The following BEND7 variants were observed in gnomAD, a reference collection of about 807,000 sequenced individuals.
BEND7 encodes the protein BEN domain containing 7.
In BEND7, 28 loss-of-function variants were observed where a neutral mutation model predicts 50.9. The observed-to-expected ratio is 0.55, with a 90% confidence interval of 0.41 to 0.75. BEND7 has a LOEUF of 0.75. Ranked by LOEUF, BEND7 falls within the 30% of genes least tolerant of loss-of-function variation. The pLI, the probability that BEND7 is intolerant of heterozygous loss-of-function variation, is 0.00. For synonymous variants in BEND7, 170 were observed against 183.9 expected, an observed-to-expected ratio of 0.92 and a Z score of 0.61; for missense variants, 477 against 491.3, an observed-to-expected ratio of 0.97 and a Z score of 0.28.
chr10:13,511,260 C>T (rs1287751118), intron 2 of BEND7: 1 of 152,194 alleles, frequency 6.6e-6, no homozygotes, highest in East Asian at 1.9e-4. Flanking sequence ...GGAGTTTGAC[C>T]TACAACTCAC....
Position 13,441,543 on chromosome 10 carries a change from A to G in BEND7, c.*200T>C. On this transcript the variant is annotated 3_prime_UTR_variant, in exon 9 of 9. Coordinates refer to ENST00000466271, the MANE Select transcript of BEND7 (RefSeq NM_001369863.1). ...GAAGGCAGTGCTTCTGAAGGTTCCC[A>G]GCAGATCTCTTAACAGACCACAGTT... is the stretch of plus-strand genomic sequence containing the variant. The G allele has an allele frequency of 3.5e-6, 5 of 1,416,140 alleles. No individual in the cohort carries two copies. Among genetic ancestry groups the G allele is most frequent in the East Asian group, 2.6e-5 (1 of 38,830 alleles). The allele number at this position is 1,416,140 out of a possible 1,614,324, so 87.7% of individuals were successfully genotyped here.
chr10:13,462,218 A>G (rs1840353071), intron 6 of BEND7, among the ~76,000 whole-genome samples: 1 of 152,184 alleles, frequency 6.6e-6, no homozygotes, highest in South Asian at 2.1e-4. Flanking sequence ...GACATACCCG[A>G]GACTGGGTAA....
At chr10:13,516,533 C>T (rs2078685770) in intron 2 of BEND7, among the ~76,000 whole-genome samples, 1 of 152,136 alleles carries the variant, frequency 6.6e-6, no homozygotes, top group African/African-American at 2.4e-5. Flanking sequence ...CAAGACCTGC[C>T]TGGCCAACAT....
At chr10:13,452,808 T>A (rs1564514175) in intron 6 of BEND7, 150 bp from the exon 7 acceptor site, 4 of 729,004 alleles carry the variant, frequency 5.5e-6, no homozygotes, top group Non-Finnish European at 8.3e-6. Context: ...TTATATTTGT[T>A]TGGCAAAGAT....
At chr10:13,454,112 T>A (rs1413121283) in intron 6 of BEND7, among the ~76,000 whole-genome samples, 1 of 152,150 alleles carries the variant, frequency 6.6e-6, no homozygotes. Flanking sequence ...GTCTAGGGCC[T>A]CTCAGAGAAC....
At chr10:13,500,592 A>T in intron 2 of BEND7, 1 of 987,570 alleles carries the variant, frequency 1.0e-6, no homozygotes, top group Non-Finnish European at 1.2e-6. Flanking sequence ...TACTGACACA[A>T]TGTCCTTCAG....
At chr10:13,529,528 G>A (rs1409019041), upstream of BEND7, among the ~76,000 whole-genome samples, 2 of 152,154 alleles carry the variant, frequency 1.3e-5, no homozygotes, top group Non-Finnish European at 2.9e-5. Context: ...CAGGCTGGGC[G>A]GATTGTGGAA....
intron 7 of BEND7, among the ~76,000 whole-genome samples, chr10:13,451,754 T>TCCCCCC (rs141575572): frequency 3.5e-5 from 4 of 113,052 alleles, no homozygotes; most frequent in Non-Finnish European, 3.5e-5. Flanking sequence ...ATGCTATCCC[T>TCCCCCC]CCCCCTCCCC....
At chr10:13,520,460 G>A (rs1360526767) in intron 2 of BEND7, among the ~76,000 whole-genome samples, 1 of 152,078 alleles carries the variant, frequency 6.6e-6, no homozygotes, top group African/African-American at 2.4e-5. Flanking sequence ...GTCAGACCGT[G>A]CATACTAGAC....
At chr10:13,467,065 GGGGGAAGATGCT>G (rs1403555984) in intron 6 of BEND7, among the ~76,000 whole-genome samples, 1 of 152,190 alleles carries the variant, frequency 6.6e-6, no homozygotes, top group African/African-American at 2.4e-5. Flanking sequence ...CGTGGACACC[GGGGGAAGATGCT>G]GGGGCGTCAG....
At chr10:13,499,193 T>C (rs907003964) in intron 3 of BEND7, among the ~76,000 whole-genome samples, 2 of 152,236 alleles carry the variant, frequency 1.3e-5, no homozygotes, top group African/African-American at 4.8e-5. Flanking sequence ...GATTCTTTTC[T>C]TAACAATTAG....
intron 2 of BEND7, among the ~76,000 whole-genome samples, chr10:13,507,869 G>A (rs2078008742): frequency 6.6e-6 from 1 of 152,178 alleles, no homozygotes; most frequent in Non-Finnish European, 1.5e-5. Context: ...CATTTTTTAG[G>A]GGGCAGGTAA....
intron 5 of BEND7, among the ~76,000 whole-genome samples, chr10:13,491,433 T>C (rs545463726): frequency 6.6e-6 from 1 of 152,072 alleles, no homozygotes; most frequent in Non-Finnish European, 1.5e-5. Flanking sequence ...AGGGCCCTAG[T>C]TGCAATAGCA....
chr10:13,446,124 G>A (rs916229881), intron 8 of BEND7: 1 of 152,208 alleles, frequency 6.6e-6, no homozygotes, highest in Non-Finnish European at 1.5e-5. Context: ...GACTCTGTAT[G>A]GGAAGAACTT....
intron 2 of BEND7, among the ~76,000 whole-genome samples, chr10:13,520,204 C>T (rs2078987604): frequency 6.6e-6 from 1 of 152,062 alleles, no homozygotes; most frequent in Admixed American, 6.5e-5. Flanking sequence ...ATGACAATAC[C>T]TTCTCAGAGC....
chr10:13,499,120 A>C (rs2077250540), intron 3 of BEND7, among the ~76,000 whole-genome samples: 1 of 152,204 alleles, frequency 6.6e-6, no homozygotes, highest in Admixed American at 6.5e-5. Flanking sequence ...CGGATAGAAA[A>C]CTAATATGAC....
intron 2 of BEND7, chr10:13,500,852 A>C (rs1273544270): frequency 1.0e-6 from 1 of 985,134 alleles, no homozygotes; most frequent in Admixed American, 6.2e-5. Flanking sequence ...GCGGAAGTGC[A>C]ACCTCCCCAC....
Position 13,441,407 on chromosome 10 carries a change from G to C in BEND7, c.*336C>G. ...TACAAAATATGATTTTGCTGTTGCA[G>C]TTTTGATACGTATTTCCAGTGTGTA... is the stretch of plus-strand genomic sequence containing the variant. On this transcript the variant is annotated 3_prime_UTR_variant, in exon 9 of 9. Transcript: ENST00000466271. 8.8e-7 allele frequency: 1 copy of C among 1,137,574 alleles called. No individual in the cohort carries two copies. The highest frequency in any genetic ancestry group is 1.6e-5 in the African/African-American group (1 of 62,462). 70.5% of individuals were successfully genotyped at this position (1,137,574 alleles called of 1,614,324 possible).
chr10:13,441,213 A>G lies in BEND7; in HGVS notation c.*530T>C, dbSNP rs1835269575. 6 of 932,638 alleles carry G rather than the reference A, an allele frequency of 6.4e-6. No individual in the cohort carries two copies. The African/African-American group carries it at 7.1e-5, about 11-fold the overall frequency. 57.8% of individuals were successfully genotyped at this position (932,638 alleles called of 1,614,324 possible). ...GCTTGCATTGAATTCTTTTTTAAAG[A>G]ACATAGTAATTTTAAAAAATCTAAA... is the stretch of plus-strand genomic sequence containing the variant. On this transcript the variant is annotated 3_prime_UTR_variant, in exon 9 of 9. Coordinates refer to ENST00000466271, the MANE Select transcript of BEND7 (RefSeq NM_001369863.1).
Sources: gnomAD v4.1 joint callset for allele counts (sites outside exome capture counted in the v4.1 genomes callset) on GRCh38, gnomAD v4.1.1 for gene constraint, MANE v1.5 for transcripts, NCBI Gene and HGNC (gene_info 2026-07-23, HGNC 2026-07-21) for gene names.